The following SNTG1 variants were observed in gnomAD, a reference collection of about 807,000 sequenced individuals.
SNTG1 encodes syntrophin gamma 1, also known as gamma-1-syntrophin.
In SNTG1, 39 loss-of-function variants were observed where a neutral mutation model predicts 74.7. The observed-to-expected ratio is 0.52, with a 90% CI of 0.40 to 0.68. The LOEUF is 0.68. SNTG1 is among the 30% of genes least tolerant of loss of function. SNTG1 has a pLI of 0.00. For synonymous variants in SNTG1, 254 were observed against 217.1 expected, an observed-to-expected ratio of 1.17 and a Z score of -1.49; for missense variants, 685 against 609.5, an observed-to-expected ratio of 1.12 and a Z score of -1.30.
At chr8:50,749,899 A>G (rs1357683149) in intron 17 of SNTG1, among the ~76,000 whole-genome samples, 1 of 152,058 alleles carries the variant, frequency 6.6e-6, no homozygotes, top group African/African-American at 2.4e-5. Context: ...CTAACACAAT[A>G]TCCATTCTGC....
intron 1 of SNTG1, among the ~76,000 whole-genome samples, chr8:50,150,441 G>A (rs1290007819): frequency 6.6e-6 from 1 of 152,186 alleles, no homozygotes; most frequent in Non-Finnish European, 1.5e-5. Flanking sequence ...TTGAATAGGA[G>A]TGGTGAGAGA....
intron 12 of SNTG1, among the ~76,000 whole-genome samples, chr8:50,589,864 G>C (rs1376031906): frequency 6.6e-6 from 1 of 152,124 alleles, no homozygotes; most frequent in Non-Finnish European, 1.5e-5. Flanking sequence ...AGAGCCAGAA[G>C]GTATTTTGAA....
chr8:50,339,909 C>T lies in SNTG1; in HGVS notation c.-27-54303C>T, dbSNP rs59709210. Among the ~76,000 whole-genome samples, 738 of 151,528 alleles carry T rather than the reference C, an allele frequency of 4.9e-3. 9 individuals are homozygous for T. Among genetic ancestry groups the T allele is most frequent in the African/African-American group, 0.017 (703 of 41,380 alleles). ...GTAGATAAAAATAAACAAGAGTAAA[C>T]TATGTATTGTGTACAAGAAATCCAC... is the stretch of plus-strand genomic sequence containing the variant. On this transcript the variant is annotated intron_variant, in intron 2 of 18. Transcript: ENST00000642720.
intron 2 of SNTG1, among the ~76,000 whole-genome samples, chr8:50,255,338 T>C (rs1310298987): frequency 6.6e-6 from 1 of 152,188 alleles, no homozygotes; most frequent in East Asian, 1.9e-4. Context: ...ATGTCAAGTT[T>C]CTAATGTTTT....
chr8:50,333,544 T>C (rs2091038035), intron 2 of SNTG1, among the ~76,000 whole-genome samples: 1 of 152,240 alleles, frequency 6.6e-6, no homozygotes, highest in African/African-American at 2.4e-5. Context: ...TTGCTATGAA[T>C]GTACTTTCTT....
intron 2 of SNTG1, among the ~76,000 whole-genome samples, chr8:50,315,999 A>G (rs1372525595): frequency 1.3e-5 from 2 of 152,152 alleles, no homozygotes; most frequent in African/African-American, 2.4e-5. Flanking sequence ...TTTGATTCAT[A>G]TCACATTTCA....
At chr8:50,275,285 G>T (rs1316919561) in intron 2 of SNTG1, among the ~76,000 whole-genome samples, 1 of 152,084 alleles carries the variant, frequency 6.6e-6, no homozygotes, top group East Asian at 1.9e-4. Flanking sequence ...GATATTTAAA[G>T]TGATTACTTA....
At chr8:50,216,577 G>T (rs2084802738) in intron 2 of SNTG1, among the ~76,000 whole-genome samples, 1 of 152,044 alleles carries the variant, frequency 6.6e-6, no homozygotes, top group South Asian at 2.1e-4. Flanking sequence ...AGACAAATTT[G>T]CTTTAGATTT....
chr8:50,097,592 C>T, intron 1 of SNTG1, among the ~76,000 whole-genome samples: 1 of 151,532 alleles, frequency 6.6e-6, no homozygotes, highest in Admixed American at 6.6e-5. Flanking sequence ...GCGGAGCTTG[C>T]AGTGAGCGGA....
In SNTG1 at chr8:50,656,995, C is replaced by T. The variant is rs2095186327; in HGVS notation, c.936C>T (p.Gly312=). The T allele has an allele frequency of 1.9e-6, 3 of 1,572,400 alleles. No individual in the cohort carries two copies. Among genetic ancestry groups the T allele is most frequent in the African/African-American group, 2.7e-5 (2 of 72,896 alleles). Residue 312 remains glycine, a synonymous_variant, in exon 14 of 19, where the codon GGC becomes GGT. Transcript: ENST00000642720. The part of the protein sequence containing the change: ...VYSPTFLALR[G]SCLYKFLAPP... ...CCCCGACCTTCCTGGCCCTGAGGGG[C>T]TCATGTCTCTACAAGTTTCTGGCAC...
intron 18 of SNTG1, among the ~76,000 whole-genome samples, chr8:50,756,346 C>T (rs2095580453): frequency 6.6e-6 from 1 of 151,782 alleles, no homozygotes; most frequent in Non-Finnish European, 1.5e-5. Flanking sequence ...GTCATCTAGA[C>T]TTTGTACTAT....
intron 2 of SNTG1, among the ~76,000 whole-genome samples, chr8:50,323,896 C>T (rs1426525959): frequency 1.3e-5 from 2 of 152,200 alleles, no homozygotes; most frequent in African/African-American, 4.8e-5. Context: ...TATTCTACTA[C>T]AGCTAAGCTG....
intron 13 of SNTG1, among the ~76,000 whole-genome samples, chr8:50,635,515 T>C (rs2095033368): frequency 6.6e-6 from 1 of 152,114 alleles, no homozygotes; most frequent in Admixed American, 6.5e-5. Flanking sequence ...GACAAAGTCC[T>C]TTCACTCTTC....
intron 2 of SNTG1, among the ~76,000 whole-genome samples, chr8:50,178,922 A>G (rs1226050578): frequency 6.6e-6 from 1 of 152,170 alleles, no homozygotes; most frequent in Non-Finnish European, 1.5e-5. Flanking sequence ...GCTAAGACCA[A>G]TATCAAGAAG....
rs148861733 is a variant in SNTG1, at chr8:50,684,826, C to T, written c.1039-19774C>T. Reference sequence around the variant, plus strand: ...TATGTATATATGTGCCATGCTGGTGCGCTGCACCCACTAACTCGTCATCTA... The same window carrying T: ...TATGTATATATGTGCCATGCTGGTGTGCTGCACCCACTAACTCGTCATCTA... On this transcript the variant is annotated intron_variant, in intron 15 of 18. Transcript: ENST00000642720. Among the ~76,000 whole-genome samples the T allele has an allele frequency of 7.0e-3, 1,036 of 148,550 alleles. 10 individuals carry two copies. Among genetic ancestry groups the T allele is most frequent in the African/African-American group, 0.025 (993 of 40,306 alleles).
At position 50,505,141 on chromosome 8, in the gene SNTG1, C is replaced by G. The variant is rs568316656; in HGVS notation, c.466+2261C>G. Among the ~76,000 whole-genome samples, 3 of 152,218 alleles carry G rather than the reference C, an allele frequency of 2.0e-5. No individual in the cohort carries two copies. The South Asian group carries it at 6.2e-4, about 32-fold the overall frequency. On this transcript the variant is annotated intron_variant, in intron 9 of 18. Coordinates refer to ENST00000642720, the MANE Select transcript of SNTG1 (RefSeq NM_018967.5). Reference sequence around the variant, plus strand: ...TTAGCATAATGTCCTTAAGACTCATCTATGTTGTAGAATAGGACAAAATTT... The same window carrying G: ...TTAGCATAATGTCCTTAAGACTCATGTATGTTGTAGAATAGGACAAAATTT...
At chr8:50,679,850 T>C (rs1363004770) in intron 15 of SNTG1, among the ~76,000 whole-genome samples, 2 of 152,112 alleles carry the variant, frequency 1.3e-5, no homozygotes, top group African/African-American at 2.4e-5. Flanking sequence ...CTGGGCATGG[T>C]ATGAACTCAA....
At chr8:50,664,559 C>G (rs2095241332) in intron 15 of SNTG1, among the ~76,000 whole-genome samples, 1 of 152,052 alleles carries the variant, frequency 6.6e-6, no homozygotes, top group Non-Finnish European at 1.5e-5. Flanking sequence ...ATTTTGTAAA[C>G]CAGTGTCTAT....
intron 2 of SNTG1, among the ~76,000 whole-genome samples, chr8:50,270,646 A>G (rs904485512): frequency 6.6e-6 from 1 of 152,192 alleles, no homozygotes; most frequent in Admixed American, 6.6e-5. Context: ...ACTCACTCCT[A>G]TTCAGGTCTC....
Sources: allele counts gnomAD v4.1 joint callset (sites outside exome capture counted in the v4.1 genomes callset), GRCh38; gene constraint gnomAD v4.1.1; transcripts MANE v1.5; gene names NCBI Gene and HGNC (gene_info 2026-07-23, HGNC 2026-07-21).